RASAL3: variants seen among roughly 807,000 people sequenced by gnomAD.
RASAL3 encodes the protein RAS protein activator like 3.
Under a neutral mutation model 105.5 loss-of-function variants are expected in RASAL3, and 74 were observed. That is an observed-to-expected ratio of 0.70 (90% CI 0.58 to 0.85). RASAL3 has a LOEUF of 0.85. Among genes scored for constraint, RASAL3 ranks in the 40% least tolerant of loss-of-function variants. The probability of loss-of-function intolerance (pLI) is 0.00; values close to 1 mark genes in which losing one functional copy is unlikely to be tolerated. For missense variants in RASAL3, 1,352 were observed against 1,392.0 expected, an observed-to-expected ratio of 0.97 and a Z score of 0.46; for synonymous variants, 579 against 591.6, an observed-to-expected ratio of 0.98 and a Z score of 0.31.
Position 15,464,115 on chromosome 19 carries a change from G to A in RASAL3, c.244C>T (p.Arg82Cys). The A allele has an allele frequency of 2.5e-6, 4 of 1,613,256 alleles. No individual in the cohort carries two copies. Among genetic ancestry groups the A allele is most frequent in the Non-Finnish European group, 3.4e-6 (4 of 1,179,696 alleles). ...SAPPKESRTSRLRLSKALWGR... is the reference protein window; with the variant it reads ...SAPPKESRTSCLRLSKALWGR... ...CAGAGGGCCTTGGAGAGTCGAAGGC[G>A]ACTGGTCCGTGACTCCTTGGGAGGC... The change falls in exon 2 of 18, where the codon CGC becomes TGC. Residue 82 changes from arginine to cysteine, a missense_variant. By Grantham distance (180) the Arg-to-Cys change is radical (BLOSUM62 -3). Transcript: ENST00000343625.
intron 3 of RASAL3, 57 bp from the exon 4 acceptor site, chr19:15,461,353 G>T (rs376624431): frequency 6.4e-7 from 1 of 1,566,038 alleles, no homozygotes; most frequent in Non-Finnish European, 8.7e-7. Flanking sequence ...CAGGCAGGCA[G>T]GCAGACCGAG....
At chr19:15,461,196 C>A (rs1240160322) in intron 4 of RASAL3, 22 bp downstream of exon 4, 2 of 1,613,644 alleles carry the variant, frequency 1.2e-6, no homozygotes, top group African/African-American at 2.7e-5. Flanking sequence ...ATGCCCCAGG[C>A]CTTTCCACCC....
chr19:15,455,257 T>C (rs1480302337), intron 11 of RASAL3, among the ~76,000 whole-genome samples: 2 of 152,132 alleles, frequency 1.3e-5, no homozygotes, highest in South Asian at 2.1e-4. Flanking sequence ...GAGTACAAGA[T>C]ATAAAGTAGG....
chr19:15,457,476 C>A lies in RASAL3; in HGVS notation c.1247G>T (p.Arg416Leu). ...CAGGCGACGCGCCCGAATCCGCGCC[C>A]GCAGCGCTGCGCCCGCCGGCGCCCC... ...LLGAPAGAAL[R>L]ARIRARRLRV... Residue 416 changes from arginine (R) to leucine (L), a missense_variant, in exon 9 of 18, where the codon CGG (arginine) becomes CTG (leucine). Physicochemically the swap from Arg to Leu is moderately radical, Grantham distance 102. This residue lies in a region of RASAL3 where 920 missense variants were observed against 919.6 expected (regional missense o/e 1.00). Transcript: ENST00000343625. The surrounding 1 kb of genome is among the most constrained non-coding windows in gnomAD (Gnocchi z 8.6). 1 of 1,256,156 alleles carries A rather than the reference C, an allele frequency of 8.0e-7. No homozygotes were observed. The highest frequency in any genetic ancestry group is 1.0e-6 in the Non-Finnish European group (1 of 993,228). 77.8% of individuals were successfully genotyped at this position (1,256,156 alleles called of 1,614,324 possible).
rs1397926610 is a variant in RASAL3, at chr19:15,453,352, G to C, written c.2425C>G (p.Arg809Gly). The change falls in exon 15 of 18, where the codon CGG becomes GGG. Residue 809 changes from arginine to glycine, a missense_variant. This residue lies in a region of RASAL3 where 920 missense variants were observed against 919.6 expected (regional missense o/e 1.00). Coordinates refer to ENST00000343625, the MANE Select transcript of RASAL3 (RefSeq NM_022904.3). The surrounding 1 kb of genome is among the most constrained non-coding windows in gnomAD (Gnocchi z 4.2). ...RPRPDEERPL[R>G]RPRPVQRTQS... ...GTGCGCTGCACCGGCCGGGGCCGCC[G>C]CAGGGGCCGCTCTTCGTCCGGCCGT... 42 of 1,429,744 alleles carry C rather than the reference G, an allele frequency of 2.9e-5. No homozygotes were observed. Among genetic ancestry groups the C allele is most frequent in the Non-Finnish European group, 3.8e-5 (42 of 1,098,376 alleles). 88.6% of individuals were successfully genotyped at this position (1,429,744 alleles called of 1,614,324 possible).
chr19:15,460,961 A>G, intron 5 of RASAL3, 99 bp downstream of exon 5: 2 of 1,112,794 alleles, frequency 1.8e-6, no homozygotes, highest in South Asian at 2.6e-5. Flanking sequence ...GAGGGTCAGC[A>G]ACCTGCTCCA....
rs542495624 is a variant in RASAL3 at position 15,458,784 on chromosome 19, C to G, written c.663-129G>C. The G allele has an allele frequency of 2.0e-4, 233 of 1,172,362 alleles. No homozygotes were observed. The African/African-American group carries it at 3.5e-3, about 17-fold the overall frequency. The allele number at this position is 1,172,362 out of a possible 1,614,324, so 72.6% of individuals were successfully genotyped here. A position where few individuals can be genotyped will look rare whatever the true frequency, so the allele number is the denominator to read the frequency against. On this transcript the variant is annotated intron_variant, in intron 6 of 17. Coordinates refer to ENST00000343625, the MANE Select transcript of RASAL3 (RefSeq NM_022904.3). ...TCCCGTTTCTCCCCCGTGCCCCCCC[C>G]ACCCCCCGCCATGGCACCTCCTTGC... is the stretch of plus-strand genomic sequence containing the variant.
In RASAL3 at chr19:15,454,220, A is replaced by C. The variant is rs1389052207; in HGVS notation, c.2208T>G (p.Ile736Met). 2 of 1,568,664 alleles carry C rather than the reference A, an allele frequency of 1.3e-6. No individual in the cohort carries two copies. Among genetic ancestry groups the C allele is most frequent in the East Asian group, 2.4e-5 (1 of 42,288 alleles). The change falls in exon 14 of 18, where the codon ATT becomes ATG. Residue 736 changes from isoleucine to methionine, a missense_variant. Physicochemically the swap from Ile to Met is conservative, Grantham distance 10 (BLOSUM62 1). Coordinates refer to ENST00000343625, the MANE Select transcript of RASAL3 (RefSeq NM_022904.3). ...ACACAAGCACAGGCTGGCCCTCCTC[A>C]ATGGCTCGCAGGATGGTGGGCAGTG... is the stretch of plus-strand genomic sequence containing the variant. ...LEPLPTILRA[I>M]EEGQPVLVSV...
Position 15,460,222 on chromosome 19 carries a change from T to C in RASAL3, c.643A>G (p.Arg215Gly). The change falls in exon 6 of 18, where the codon AGG becomes GGG. Residue 215 changes from arginine (R) to glycine (G), a missense_variant. Arg to Gly is a moderately radical substitution (Grantham distance 125). This residue lies in a region of RASAL3 where 344 missense variants were observed against 339.6 expected (regional missense o/e 1.01). Coordinates refer to ENST00000343625, the MANE Select transcript of RASAL3 (RefSeq NM_022904.3). ...LKRLKEKKKA[R>G]LEPRDGPPSA... ...CCTTACCCATCCCGGGGCTCCAACC[T>C]GGCCTTTTTCTTCTCTTTCAGCCTC... The C allele has an allele frequency of 6.2e-7, 1 of 1,608,878 alleles. No individual in the cohort carries two copies.
At chr19:15,463,417 A>ATT (rs1970574650) in intron 2 of RASAL3, among the ~76,000 whole-genome samples, 1 of 152,032 alleles carries the variant, frequency 6.6e-6, no homozygotes, top group Non-Finnish European at 1.5e-5. Flanking sequence ...TTGTTGATGG[A>ATT]TTTCCTGTCA....
intron 6 of RASAL3, among the ~76,000 whole-genome samples, chr19:15,459,677 C>T (rs976452560): frequency 1.3e-5 from 2 of 152,072 alleles, no homozygotes; most frequent in African/African-American, 4.8e-5. Context: ...GGTGGGACTA[C>T]AGGTGCCCGC....
chr19:15,457,948 T>C lies in RASAL3; in HGVS notation c.889-114A>G. The C allele has an allele frequency of 2.4e-6, 3 of 1,240,452 alleles. No individual in the cohort carries two copies. The South Asian group carries it at 4.4e-5, about 18-fold the overall frequency. The allele number at this position is 1,240,452 out of a possible 1,614,324, so 76.8% of individuals were successfully genotyped here. A position where few individuals can be genotyped will look rare whatever the true frequency, so the allele number is the denominator to read the frequency against. ...TGTTGCGTCGGGTCCCTAGGGAGAT[T>C]GCTGGGCCTTTGGGGAAAGAAGTGG... On this transcript the variant is annotated intron_variant, in intron 8 of 17. Coordinates refer to ENST00000343625, the MANE Select transcript of RASAL3 (RefSeq NM_022904.3). This position sits in a 1 kb window ranked among gnomAD's most constrained non-coding sequence, Gnocchi z 8.6.
At chr19:15,454,051 C>T in intron 14 of RASAL3, 98 bp downstream of exon 14, 1 of 862,078 alleles carries the variant, frequency 1.2e-6, no homozygotes, top group East Asian at 2.7e-5. Flanking sequence ...CTGGGCTTGA[C>T]CTCTGCTCAC....
In RASAL3 at chr19:15,453,298, G is replaced by T; in HGVS notation, c.2479C>A (p.Arg827Ser). The T allele has an allele frequency of 6.7e-7, 1 of 1,500,908 alleles. No individual in the cohort carries two copies. The highest frequency in any genetic ancestry group is 2.5e-5 in the East Asian group (1 of 40,138). 93.0% of individuals were successfully genotyped at this position (1,500,908 alleles called of 1,614,324 possible). The change falls in exon 15 of 18, where the codon CGC (arginine) becomes AGC (serine). Residue 827 changes from arginine to serine, a missense_variant. Arg to Ser is a moderately radical substitution (Grantham distance 110). This residue lies in a region of RASAL3 where 920 missense variants were observed against 919.6 expected (regional missense o/e 1.00). Coordinates refer to ENST00000343625, the MANE Select transcript of RASAL3 (RefSeq NM_022904.3). The surrounding 1 kb of genome is among the most constrained non-coding windows in gnomAD (Gnocchi z 4.2). Reference protein sequence around the residue: ...TQSVPVRRPARRRQSAGPWPR... With the variant: ...TQSVPVRRPASRRQSAGPWPR... ...CAGGGCCCCGCAGATTGGCGGCGGCGGGCAGGACGCCGGACCGGGACACTC... is the reference window on the plus strand; with the variant it reads ...CAGGGCCCCGCAGATTGGCGGCGGCTGGCAGGACGCCGGACCGGGACACTC...
Position 15,464,049 on chromosome 19 carries a change from G to A in RASAL3, c.310C>T (p.Pro104Ser). The A allele has an allele frequency of 6.4e-7, 1 of 1,572,714 alleles. No individual in the cohort carries two copies. The highest frequency in any genetic ancestry group is 2.3e-5 in the East Asian group (1 of 44,236). ...KNPPPEPDPE[P>S]EQEAPELEPE... ...CATGTACCTGGGGCCTCCTGCTCCG[G>A]CTCCGGGTCTGGCTCCGGCGGTGGG... Residue 104 changes from proline to serine, a missense_variant, in exon 2 of 18, where the codon CCG (proline) becomes TCG (serine). Physicochemically the swap from Pro to Ser is moderately conservative, Grantham distance 74. Around this residue, in one of 3 missense-constraint regions of RASAL3, gnomAD observed 344 missense variants for 339.6 expected, o/e 1.01. Coordinates refer to ENST00000343625, the MANE Select transcript of RASAL3 (RefSeq NM_022904.3).
At chr19:15,455,903 G>A (rs1411115836) in intron 11 of RASAL3, among the ~76,000 whole-genome samples, 1 of 152,082 alleles carries the variant, frequency 6.6e-6, no homozygotes, top group South Asian at 2.1e-4. Context: ...CTCTTGTCTC[G>A]GCCTCCTAAA....
In RASAL3 at chr19:15,453,272, C is replaced by A; in HGVS notation, c.2505G>T (p.Trp835Cys). 1 of 1,551,584 alleles carries A rather than the reference C, an allele frequency of 6.4e-7. No individual in the cohort carries two copies. The highest frequency in any genetic ancestry group is 8.7e-7 in the Non-Finnish European group (1 of 1,151,622). Residue 835 changes from tryptophan (W) to cysteine (C), a missense_variant, in exon 15 of 18, where the codon TGG (tryptophan) becomes TGT (cysteine). Transcript: ENST00000343625. The surrounding 1 kb of genome is among the most constrained non-coding windows in gnomAD (Gnocchi z 4.2). ...TGCTCAGGGAGCCTTTGGGTCGCGG[C>A]CAGGGCCCCGCAGATTGGCGGCGGC... The part of the protein sequence containing the change: ...PARRRQSAGP[W>C]PRPKGSLSMG...
Position 15,461,553 on chromosome 19 carries a change from G to C in RASAL3, c.383C>G (p.Pro128Arg). Residue 128 changes from proline (P) to arginine (R), a missense_variant, in exon 3 of 18, where the codon CCC (proline) becomes CGC (arginine). Transcript: ENST00000343625. ...GTCCCAGACAGGCACGTTGGGTGTGGGGGCCTCAGGGATCTGTGGGGTAGG... is the reference window on the plus strand; with the variant it reads ...GTCCCAGACAGGCACGTTGGGTGTGCGGGCCTCAGGGATCTGTGGGGTAGG... Reference protein sequence around the residue: ...EPPTPQIPEAPTPNVPVWDIG... With the variant: ...EPPTPQIPEARTPNVPVWDIG... 1 of 1,534,616 alleles carries C rather than the reference G, an allele frequency of 6.5e-7. No individual in the cohort carries two copies. Among genetic ancestry groups the C allele is most frequent in the Non-Finnish European group, 8.7e-7 (1 of 1,145,258 alleles).
Position 15,454,433 on chromosome 19 carries a change from G to A in RASAL3, c.2088C>T (p.Gly696=). ...CTAACTGGAGGGCCAGATCACCACT[G>A]CCCTGGTAACCACTGGGGGCAGCAT... ...DVDAAPSGYQ[G]SGDLALQLAV... Residue 696 remains glycine (G), a synonymous_variant, in exon 13 of 18, where the codon GGC becomes GGT. Transcript: ENST00000343625. 7.4e-6 allele frequency: 12 copies of A among 1,613,992 alleles called. No individual in the cohort carries two copies. The highest frequency in any genetic ancestry group is 1.0e-5 in the Non-Finnish European group (12 of 1,179,888).
Sources: allele counts gnomAD v4.1 joint callset (sites outside exome capture counted in the v4.1 genomes callset), GRCh38; gene constraint gnomAD v4.1.1; regional missense constraint gnomAD v4.1.1; non-coding constraint Gnocchi (gnomAD v3.1); transcripts MANE v1.5; gene names NCBI Gene and HGNC (gene_info 2026-07-23, HGNC 2026-07-21).